The following POLD3 variants were observed in gnomAD, a reference collection of about 807,000 sequenced individuals.
POLD3 encodes the protein DNA polymerase delta 3, accessory subunit.
A neutral mutation model predicts 58.2 loss-of-function variants in POLD3; 19 were observed. That is an observed-to-expected ratio of 0.33 (90% CI 0.23 to 0.48). The LOEUF (loss-of-function observed/expected upper bound fraction) is 0.48, where lower values mean the gene tolerates loss of function less well. POLD3 is among the 20% of genes least tolerant of loss of function. POLD3 has a pLI of 0.99. For missense variants in POLD3, 504 were observed against 545.5 expected (o/e 0.92, Z 0.76); for synonymous variants, 172 against 193.5 (o/e 0.89, Z 0.92).
rs754136592 is a variant in POLD3, at chr11:74,594,062, T to C, written c.62T>C (p.Val21Ala). 5 of 1,595,076 alleles carry C rather than the reference T, an allele frequency of 3.1e-6. No individual in the cohort carries two copies. ...DEFVTDQNKI[V>A]TYKWLSYTLG... ...TTGAAAAATTTTTTCTTGTTACAGG[T>C]GACATACAAATGGCTGAGCTATACA... Residue 21 changes from valine to alanine, a missense_variant and splice_region_variant, in exon 2 of 12, where the codon GTG becomes GCG. Physicochemically the swap from Val to Ala is moderately conservative, Grantham distance 64 (BLOSUM62 0). Around this residue, in one of 2 missense-constraint regions of POLD3, gnomAD observed 119 missense variants for 175.0 expected, o/e 0.68. Transcript: ENST00000263681.
intron 7 of POLD3, among the ~76,000 whole-genome samples, chr11:74,620,924 C>CTT (rs11307602): frequency 1.3e-4 from 19 of 143,578 alleles, no homozygotes; most frequent in African/African-American, 3.0e-4. Flanking sequence ...ATTGAAGTGA[C>CTT]TTTTTTTTTT....
intron 3 of POLD3, among the ~76,000 whole-genome samples, chr11:74,605,081 A>G (rs2031630887): frequency 6.6e-6 from 1 of 152,194 alleles, no homozygotes; most frequent in African/African-American, 2.4e-5. Context: ...AGGTATATGG[A>G]GAACAATGGT....
chr11:74,625,509 G>C lies in POLD3; in HGVS notation c.835G>C (p.Ala279Pro). ...CACGGAACCAAAGCTGGCAACTCCTGCAGGCCTGAAAAAATCCAGCAAAAA... is the reference window on the plus strand; with the variant it reads ...CACGGAACCAAAGCTGGCAACTCCTCCAGGCCTGAAAAAATCCAGCAAAAA... ...SVTEPKLATP[A>P]GLKKSSKKAE... The change falls in exon 8 of 12, where the codon GCA becomes CCA. Residue 279 changes from alanine (A) to proline (P), a missense_variant. Ala to Pro is a conservative substitution (Grantham distance 27). Around this residue, in one of 2 missense-constraint regions of POLD3, gnomAD observed 385 missense variants for 370.5 expected, o/e 1.04. Coordinates refer to ENST00000263681, the MANE Select transcript of POLD3 (RefSeq NM_006591.3). 6.2e-7 allele frequency: 1 copy of C among 1,613,892 alleles called. No individual in the cohort carries two copies. Among genetic ancestry groups the C allele is most frequent in the Non-Finnish European group, 8.5e-7 (1 of 1,179,884 alleles).
intron 4 of POLD3, among the ~76,000 whole-genome samples, chr11:74,663,473 C>T (rs979167293): frequency 6.6e-6 from 1 of 152,090 alleles, no homozygotes; most frequent in African/African-American, 2.4e-5. Flanking sequence ...TCTAGACTTA[C>T]AGTAGTGCCA....
intron 5 of POLD3, among the ~76,000 whole-genome samples, chr11:74,613,852 A>G (rs2031994117): frequency 6.6e-6 from 1 of 152,208 alleles, no homozygotes; most frequent in Admixed American, 6.5e-5. Flanking sequence ...TAGGAGGAAT[A>G]TTGGGGGAAG....
rs574805719 is a variant in POLD3 at position 74,620,300 on chromosome 11, G to A, written c.733+211G>A. ...TTAGGCTCAGTTGAGATCTCTTTGA[G>A]AGCAGTTTATTATTCCTGGTTTAAC... On this transcript the variant is annotated intron_variant, in intron 7 of 11. Coordinates refer to ENST00000263681, the MANE Select transcript of POLD3 (RefSeq NM_006591.3). Among the ~76,000 whole-genome samples the A allele has an allele frequency of 5.9e-5, 9 of 152,252 alleles. No individual in the cohort carries two copies. In the South Asian group the frequency reaches 1.9e-3, roughly 32 times the overall value.
intron 2 of POLD3, among the ~76,000 whole-genome samples, chr11:74,595,912 C>T (rs899775554): frequency 6.6e-6 from 1 of 152,042 alleles, no homozygotes; most frequent in Admixed American, 6.5e-5. Context: ...ACATAAGCCA[C>T]CATGCCTGGC....
At chr11:74,644,858 A>G (rs980685806), downstream of POLD3, among the ~76,000 whole-genome samples, 11 of 152,170 alleles carry the variant, frequency 7.2e-5, no homozygotes, top group African/African-American at 2.7e-4. Context: ...TTGGTGTTTT[A>G]GGCTTTCTCA....
At chr11:74,666,149 A>G (rs907928844) in intron 4 of POLD3, among the ~76,000 whole-genome samples, 1 of 152,254 alleles carries the variant, frequency 6.6e-6, no homozygotes, top group Non-Finnish European at 1.5e-5. Context: ...TGCATTTACA[A>G]TGGTATCAAA....
At chr11:74,659,783 A>G (rs570189821) in intron 4 of POLD3, among the ~76,000 whole-genome samples, 6 of 152,334 alleles carry the variant, frequency 3.9e-5, no homozygotes, top group Non-Finnish European at 5.9e-5. Flanking sequence ...CTTATTGTTC[A>G]TATCACTATC....
chr11:74,596,860 G>C (rs934605780), intron 2 of POLD3, among the ~76,000 whole-genome samples: 1 of 152,134 alleles, frequency 6.6e-6, no homozygotes, highest in East Asian at 1.9e-4. Context: ...AGATCATGTA[G>C]TATTTGTCTG....
At position 74,592,628 on chromosome 11, in the gene POLD3, G is replaced by C. The variant is rs773589184; in HGVS notation, c.-31G>C. On this transcript the variant is annotated 5_prime_UTR_variant, in exon 1 of 12. Transcript: ENST00000263681. ...GAGCTGTGGCTGTGATTGAGAGAGG[G>C]GTTAGAGGCGGGTCCCAGCGCTGCC... 4 of 1,612,380 alleles carry C rather than the reference G, an allele frequency of 2.5e-6. No individual in the cohort carries two copies. The highest frequency in any genetic ancestry group is 2.5e-6 in the Non-Finnish European group (3 of 1,179,342).
At chr11:74,609,110 C>A (rs987109921) in intron 3 of POLD3, among the ~76,000 whole-genome samples, 1 of 151,888 alleles carries the variant, frequency 6.6e-6, no homozygotes, top group African/African-American at 2.4e-5. Flanking sequence ...AATTTGATTA[C>A]TGAAAATAAG....
chr11:74,593,971 G>C, intron 1 of POLD3, 90 bp from the exon 2 acceptor site: 1 of 725,486 alleles, frequency 1.4e-6, no homozygotes, highest in Admixed American at 2.2e-5. Context: ...AATCATCTAA[G>C]AATAGGAATC....
chr11:74,640,127 C>T (rs542418768), intron 11 of POLD3, among the ~76,000 whole-genome samples: 5 of 151,972 alleles, frequency 3.3e-5, no homozygotes, highest in Non-Finnish European at 5.9e-5. Context: ...AGACCAGTAA[C>T]GGGAATAGGC....
chr11:74,594,195 A>G (rs945239327), intron 2 of POLD3, 79 bp downstream of exon 2: 16 of 822,972 alleles, frequency 1.9e-5, no homozygotes, highest in Non-Finnish European at 2.7e-5. Context: ...AACTCTACAG[A>G]TAGCCTACAT....
intron 8 of POLD3, among the ~76,000 whole-genome samples, chr11:74,626,754 C>T (rs1360585995): frequency 1.3e-5 from 2 of 152,110 alleles, no homozygotes; most frequent in African/African-American, 4.8e-5. Flanking sequence ...TACTCATGCG[C>T]TGCATAACGA....
intron 4 of POLD3, among the ~76,000 whole-genome samples, chr11:74,653,728 T>A (rs987195998): frequency 1.3e-5 from 2 of 152,082 alleles, no homozygotes; most frequent in African/African-American, 4.8e-5. Flanking sequence ...AACACTTCAA[T>A]TAAAAGGCAG....
At chr11:74,658,598 G>A (rs935048377) in intron 4 of POLD3, among the ~76,000 whole-genome samples, 1 of 152,138 alleles carries the variant, frequency 6.6e-6, no homozygotes, top group Non-Finnish European at 1.5e-5. Flanking sequence ...AGATACAGTG[G>A]GGATACAGGT....
Sources: gnomAD v4.1 joint callset for allele counts (sites outside exome capture counted in the v4.1 genomes callset) on GRCh38, gnomAD v4.1.1 for gene constraint, gnomAD v4.1.1 regional missense constraint, MANE v1.5 for transcripts, NCBI Gene and HGNC (gene_info 2026-07-23, HGNC 2026-07-21) for gene names.